VGLL4: variants seen among roughly 807,000 people sequenced by gnomAD.
VGLL4 encodes the protein vestigial like family member 4.
A neutral mutation model predicts 21.0 loss-of-function variants in VGLL4; 7 were observed. The ratio of observed to expected loss-of-function variants is 0.33; its 90% CI spans 0.19 to 0.63. The LOEUF (loss-of-function observed/expected upper bound fraction) is 0.63, where lower values mean the gene tolerates loss of function less well. VGLL4 is among the 20% of genes least tolerant of loss of function. VGLL4 has a pLI of 0.78. For missense variants in VGLL4, 394 were observed against 425.7 expected, an observed-to-expected ratio of 0.93 and a Z score of 0.66; for synonymous variants, 222 against 173.2, an observed-to-expected ratio of 1.28 and a Z score of -2.21.
intron 2 of VGLL4, among the ~76,000 whole-genome samples, chr3:11,670,564 C>G (rs1360801018): frequency 5.3e-5 from 8 of 152,180 alleles, no homozygotes; most frequent in Non-Finnish European, 1.2e-4. Context: ...AATATGCCTT[C>G]ATTTTTGCAT....
In VGLL4 at chr3:11,601,953, C is replaced by T. The variant is rs779626554; in HGVS notation, c.152G>A (p.Arg51His). ...GGGGCTGATTGGGGGAGGGCCGGTG[C>T]GGTGACTGCTGAGGGCAGAGGCCAC... is the stretch of plus-strand genomic sequence containing the variant. ...LPVASALSSH[R>H]TGPPPISPSK... is the part of the protein sequence containing the mutation. Residue 51 changes from arginine (R) to histidine (H), a missense_variant, in exon 2 of 5, where the codon CGC becomes CAC. Physicochemically the swap from Arg to His is conservative, Grantham distance 29. Transcript: ENST00000430365. 17 of 1,612,464 alleles carry T rather than the reference C, an allele frequency of 1.1e-5. No individual in the cohort carries two copies. Among genetic ancestry groups the T allele is most frequent in the South Asian group, 6.6e-5 (6 of 90,966 alleles).
At chr3:11,630,443 G>A (rs1332644917) in intron 1 of VGLL4, among the ~76,000 whole-genome samples, 3 of 152,138 alleles carry the variant, frequency 2.0e-5, no homozygotes, top group Non-Finnish European at 4.4e-5. Context: ...TCAGGACTTC[G>A]AAACCAGCCT....
At position 11,556,815 on chromosome 3, in the gene VGLL4, T is replaced by C. The variant is rs1027211094; in HGVS notation, c.*1741A>G. 2 of 152,718 alleles carry C rather than the reference T, an allele frequency of 1.3e-5. No individual in the cohort carries two copies. Among genetic ancestry groups the C allele is most frequent in the Admixed American group, 6.5e-5 (1 of 15,276 alleles). 9.5% of individuals were successfully genotyped at this position (152,718 alleles called of 1,614,324 possible). ...TCAACGATTTTTCCTACAGAAAATA[T>C]AGGGGCCTGAATGCCAAAGCTTGGA... On this transcript the variant is annotated 3_prime_UTR_variant, in exon 5 of 5. Transcript: ENST00000430365.
At chr3:11,637,299 T>C (rs535084372) in intron 1 of VGLL4, among the ~76,000 whole-genome samples, 4 of 152,324 alleles carry the variant, frequency 2.6e-5, no homozygotes, top group African/African-American at 7.2e-5. Context: ...TTATAAAACA[T>C]GTTGAGAGAT....
chr3:11,700,305 T>C (rs1357202193), intron 2 of VGLL4, among the ~76,000 whole-genome samples: 1 of 152,238 alleles, frequency 6.6e-6, no homozygotes, highest in Non-Finnish European at 1.5e-5. Context: ...TTTTTCATTG[T>C]ATAAACAGTA....
intron 2 of VGLL4, chr3:11,671,321 A>G: frequency 6.7e-7 from 1 of 1,494,082 alleles, no homozygotes; most frequent in Non-Finnish European, 9.2e-7. Context: ...GATTTTGTCA[A>G]AATGCGTATT....
chr3:11,675,004 A>G (rs2076269916), intron 2 of VGLL4, among the ~76,000 whole-genome samples: 2 of 152,220 alleles, frequency 1.3e-5, no homozygotes, highest in African/African-American at 4.8e-5. Flanking sequence ...TTCAAATCCA[A>G]GGGATTCCCA....
intron 2 of VGLL4, among the ~76,000 whole-genome samples, chr3:11,588,997 TA>T (rs1226309011): frequency 6.6e-6 from 1 of 152,070 alleles, no homozygotes; most frequent in Non-Finnish European, 1.5e-5. Context: ...CCCTGGAGAA[TA>T]CCAATAACAA....
At chr3:11,602,287 A>AG (rs1339418278) in intron 1 of VGLL4, among the ~76,000 whole-genome samples, 2 of 152,170 alleles carry the variant, frequency 1.3e-5, no homozygotes, top group Non-Finnish European at 1.5e-5. Flanking sequence ...ATAAAATAGC[A>AG]GGGGGGAGGC....
At chr3:11,561,154 T>G (rs2072959739) in intron 3 of VGLL4, among the ~76,000 whole-genome samples, 1 of 151,770 alleles carries the variant, frequency 6.6e-6, no homozygotes, top group African/African-American at 2.4e-5. Flanking sequence ...CCAATAAAAC[T>G]CCCTTTTGTG....
At chr3:11,576,323 A>C (rs2074043602) in intron 2 of VGLL4, among the ~76,000 whole-genome samples, 1 of 152,230 alleles carries the variant, frequency 6.6e-6, no homozygotes, top group African/African-American at 2.4e-5. Flanking sequence ...TGTTGCTGAG[A>C]TTAATAAAAT....
intron 3 of VGLL4, among the ~76,000 whole-genome samples, 173 bp from the exon 4 acceptor site, chr3:11,559,628 G>T (rs902929256): frequency 1.3e-5 from 2 of 152,242 alleles, no homozygotes; most frequent in African/African-American, 4.8e-5. Context: ...TCCACAGAGT[G>T]AGCGCAGCTC....
chr3:11,687,462 G>GTTTTGT (rs1223918822), intron 2 of VGLL4, among the ~76,000 whole-genome samples: 1 of 152,028 alleles, frequency 6.6e-6, no homozygotes, highest in Non-Finnish European at 1.5e-5. Context: ...ATGGGAATGA[G>GTTTTGT]TTTTGTTTTT....
chr3:11,608,536 G>A (rs6442266), intron 1 of VGLL4, among the ~76,000 whole-genome samples: 144,964 of 152,254 alleles, frequency 0.95, 69,132 homozygotes, highest in African/African-American at 0.99. Context: ...GAAATGAAAA[G>A]AGAGAATCAC....
intron 2 of VGLL4, among the ~76,000 whole-genome samples, chr3:11,696,986 T>A (rs897502120): frequency 2.0e-5 from 3 of 152,178 alleles, no homozygotes; most frequent in Non-Finnish European, 4.4e-5. Flanking sequence ...CAAGTGACCA[T>A]CCCACCTTGG....
intron 3 of VGLL4, among the ~76,000 whole-genome samples, chr3:11,561,398 T>G (rs1008454651): frequency 4.6e-5 from 7 of 152,164 alleles, no homozygotes; most frequent in East Asian, 1.9e-4. Context: ...TCAGGGCATC[T>G]CCTGACCTGA....
intron 1 of VGLL4, among the ~76,000 whole-genome samples, chr3:11,715,080 A>G (rs897408771): frequency 1.3e-5 from 2 of 150,492 alleles, no homozygotes; most frequent in African/African-American, 4.9e-5. Flanking sequence ...GCTTGCAGTG[A>G]GCCGAGATCG....
At chr3:11,635,230 T>TA in intron 1 of VGLL4, among the ~76,000 whole-genome samples, 1 of 152,176 alleles carries the variant, frequency 6.6e-6, no homozygotes, top group Non-Finnish European at 1.5e-5. Context: ...GCAAGGACGA[T>TA]ACAGTCTAAT....
At chr3:11,704,455 T>C (rs1326296180) in intron 1 of VGLL4, among the ~76,000 whole-genome samples, 2 of 147,870 alleles carry the variant, frequency 1.4e-5, no homozygotes, top group South Asian at 2.1e-4. Flanking sequence ...TCATGCAATA[T>C]GACTTCATTC....
Sources: allele counts gnomAD v4.1 joint callset (sites outside exome capture counted in the v4.1 genomes callset), GRCh38; gene constraint gnomAD v4.1.1; transcripts MANE v1.5; gene names NCBI Gene and HGNC (gene_info 2026-07-23, HGNC 2026-07-21).